The following PHLPP1 variants were observed in gnomAD, a reference collection of about 807,000 sequenced individuals.
PHLPP1 encodes PH domain and leucine rich repeat protein phosphatase 1.
PHLPP1 carries 42 observed loss-of-function variants against 117.2 expected under a neutral mutation model. The observed-to-expected ratio is 0.36, with a 90% CI of 0.28 to 0.46. PHLPP1 has a LOEUF of 0.46. Among genes scored for constraint, PHLPP1 ranks in the 20% least tolerant of loss-of-function variants. The pLI is 1.00. For synonymous variants in PHLPP1, 1,042 were observed against 970.7 expected, an observed-to-expected ratio of 1.07 and a Z score of -1.37; for missense variants, 2,084 against 2,241.9, an observed-to-expected ratio of 0.93 and a Z score of 1.42.
chr18:62,779,488 G>C (rs1913059773), intron 1 of PHLPP1: 1 of 152,232 alleles, frequency 6.6e-6, no homozygotes, highest in African/African-American at 2.4e-5. Flanking sequence ...TGCTTGGTGA[G>C]TGTGCAGAGG....
intron 1 of PHLPP1, among the ~76,000 whole-genome samples, chr18:62,797,557 G>A (rs943107408): frequency 5.9e-5 from 9 of 152,170 alleles, no homozygotes; most frequent in Non-Finnish European, 1.0e-4. Flanking sequence ...GTCAGGGCAG[G>A]CCTTGCTTTG....
chr18:62,818,792 G>A (rs1313365793), intron 1 of PHLPP1, among the ~76,000 whole-genome samples: 2 of 151,902 alleles, frequency 1.3e-5, no homozygotes, highest in African/African-American at 2.4e-5. Context: ...TTGTGGGTGG[G>A]CAAGGGGGAG....
At chr18:62,807,294 A>G (rs1913979828) in intron 1 of PHLPP1, among the ~76,000 whole-genome samples, 1 of 152,170 alleles carries the variant, frequency 6.6e-6, no homozygotes, top group Admixed American at 6.5e-5. Flanking sequence ...TATATTTTCT[A>G]TTAATTGTAA....
intron 1 of PHLPP1, among the ~76,000 whole-genome samples, chr18:62,789,775 A>G (rs1219332716): frequency 1.3e-5 from 2 of 152,210 alleles, no homozygotes; most frequent in African/African-American, 4.8e-5. Context: ...GATGAAGGCA[A>G]GTAGTTCAAG....
intron 3 of PHLPP1, among the ~76,000 whole-genome samples, chr18:62,842,638 A>G (rs184154301): frequency 4.6e-5 from 7 of 152,320 alleles, no homozygotes; most frequent in Non-Finnish European, 8.8e-5. Context: ...TGCTGGGATT[A>G]CAGGCGTGAG....
intron 8 of PHLPP1, among the ~76,000 whole-genome samples, chr18:62,911,973 T>TA (rs1158648361): frequency 2.1e-5 from 1 of 47,986 alleles, no homozygotes; most frequent in East Asian, 5.6e-4. Context: ...TATGCAGCCA[T>TA]AAAAAATGAT....
chr18:62,894,091 G>T (rs1433371752), intron 4 of PHLPP1, among the ~76,000 whole-genome samples: 1 of 152,194 alleles, frequency 6.6e-6, no homozygotes, highest in Non-Finnish European at 1.5e-5. Context: ...GGGAAGAAAA[G>T]ATGAAGAAAA....
intron 1 of PHLPP1, among the ~76,000 whole-genome samples, chr18:62,818,996 C>T (rs894274989): frequency 6.6e-6 from 1 of 152,106 alleles, no homozygotes; most frequent in African/African-American, 2.4e-5. Flanking sequence ...CATTAATGTA[C>T]AATAGATGTA....
intron 1 of PHLPP1, among the ~76,000 whole-genome samples, chr18:62,824,707 A>G (rs901527950): frequency 2.0e-5 from 3 of 152,176 alleles, no homozygotes; most frequent in African/African-American, 7.2e-5. Context: ...TGCAAAAACA[A>G]TTCATGGCAC....
intron 1 of PHLPP1, among the ~76,000 whole-genome samples, chr18:62,736,784 C>T (rs1169482664): frequency 4.6e-5 from 7 of 152,158 alleles, no homozygotes; most frequent in Non-Finnish European, 8.8e-5. Flanking sequence ...TTCCAAATTT[C>T]AGTGGAGGTT....
intron 10 of PHLPP1, among the ~76,000 whole-genome samples, chr18:62,931,205 A>AAC (rs56191858): frequency 2.7e-5 from 4 of 148,496 alleles, no homozygotes; most frequent in Admixed American, 1.3e-4. Flanking sequence ...TAAAAAAAAA[A>AAC]AACAACAACA....
chr18:62,874,308 G>A (rs542030792), intron 4 of PHLPP1, among the ~76,000 whole-genome samples: 8 of 152,168 alleles, frequency 5.3e-5, no homozygotes, highest in Non-Finnish European at 8.8e-5. Flanking sequence ...AGGAGTTTGC[G>A]ACCAGCCTGA....
intron 14 of PHLPP1, among the ~76,000 whole-genome samples, chr18:62,971,023 A>G (rs1911035425): frequency 6.6e-6 from 1 of 152,100 alleles, no homozygotes; most frequent in Non-Finnish European, 1.5e-5. Context: ...GTTGTTTTCT[A>G]GTTGTTTTCC....
chr18:62,903,869 A>G (rs144012287), intron 7 of PHLPP1, among the ~76,000 whole-genome samples: 7 of 152,340 alleles, frequency 4.6e-5, no homozygotes, highest in African/African-American at 1.7e-4. Flanking sequence ...TAATCATTTA[A>G]TAATATTTCT....
At chr18:62,754,407 CT>C (rs1412153462) in intron 1 of PHLPP1, among the ~76,000 whole-genome samples, 2 of 152,290 alleles carry the variant, frequency 1.3e-5, no homozygotes, top group African/African-American at 4.8e-5. Context: ...AGTCTTCATA[CT>C]TTTTTTCCCC....
intron 6 of PHLPP1, among the ~76,000 whole-genome samples, chr18:62,902,326 G>A (rs1410685950): frequency 6.6e-6 from 1 of 152,184 alleles, no homozygotes; most frequent in Non-Finnish European, 1.5e-5. Flanking sequence ...CTATCAAGCA[G>A]TATTTTATAG....
At chr18:62,829,522 C>T (rs955723462) in intron 1 of PHLPP1, among the ~76,000 whole-genome samples, 10 of 152,098 alleles carry the variant, frequency 6.6e-5, no homozygotes, top group Non-Finnish European at 1.3e-4. Context: ...GAGGCTGAGG[C>T]GGGCGGATCA....
intron 1 of PHLPP1, among the ~76,000 whole-genome samples, chr18:62,774,129 A>C (rs1440607721): frequency 6.6e-6 from 1 of 152,172 alleles, no homozygotes; most frequent in East Asian, 1.9e-4. Context: ...TGATATATGT[A>C]CTGATTCATT....
intron 1 of PHLPP1, among the ~76,000 whole-genome samples, chr18:62,791,065 C>T (rs1220585856): frequency 6.6e-6 from 1 of 151,984 alleles, no homozygotes; most frequent in Non-Finnish European, 1.5e-5. Context: ...GACTTAAAGG[C>T]CTGGAGCACT....
Sources: allele counts gnomAD v4.1 joint callset (sites outside exome capture counted in the v4.1 genomes callset), GRCh38; gene constraint gnomAD v4.1.1; transcripts MANE v1.5; gene names NCBI Gene and HGNC (gene_info 2026-07-23, HGNC 2026-07-21).